Variants in DOCK5 observed in about 807,000 individuals in gnomAD.
DOCK5 encodes dedicator of cytokinesis 5, also known as dedicator of cytokinesis protein 5.
In DOCK5, 142 loss-of-function variants were observed where a neutral mutation model predicts 251.8. The ratio of observed to expected loss-of-function variants is 0.56; its 90% CI spans 0.49 to 0.65. DOCK5 has a LOEUF of 0.65. DOCK5 is among the 30% of genes least tolerant of loss of function. The pLI, the probability that DOCK5 is intolerant of heterozygous loss-of-function variation, is 0.00. For synonymous variants in DOCK5, 842 were observed against 835.5 expected (o/e 1.01, Z -0.13); for missense variants, 2,111 against 2,312.3 (o/e 0.91, Z 1.79).
intron 18 of DOCK5, among the ~76,000 whole-genome samples, chr8:25,328,237 T>G (rs1805607545): frequency 6.6e-6 from 1 of 151,616 alleles, no homozygotes. Context: ...TCATAACACA[T>G]ACAAAAAAAG....
intron 14 of DOCK5, among the ~76,000 whole-genome samples, chr8:25,318,072 T>C (rs1230619033): frequency 6.6e-6 from 1 of 151,790 alleles, no homozygotes; most frequent in African/African-American, 2.4e-5. Flanking sequence ...TCTTTTCTTT[T>C]CTTTTCTTTC....
At chr8:25,250,783 G>T (rs1803247955) in intron 2 of DOCK5, among the ~76,000 whole-genome samples, 1 of 152,210 alleles carries the variant, frequency 6.6e-6, no homozygotes, top group African/African-American at 2.4e-5. Context: ...ATGGGGAGAA[G>T]AGGGTGGTAT....
intron 5 of DOCK5, among the ~76,000 whole-genome samples, chr8:25,288,683 A>G (rs1032542248): frequency 6.6e-5 from 10 of 152,198 alleles, no homozygotes; most frequent in African/African-American, 2.4e-4. Context: ...GAAAGAAAAC[A>G]AGAGTCTCTT....
At chr8:25,379,965 C>G (rs931213310) in intron 38 of DOCK5, among the ~76,000 whole-genome samples, 2 of 152,142 alleles carry the variant, frequency 1.3e-5, no homozygotes, top group Non-Finnish European at 2.9e-5. Flanking sequence ...CTTTCCGAAC[C>G]TGGGCTGGCA....
chr8:25,208,127 A>T (rs1802046523), intron 1 of DOCK5, among the ~76,000 whole-genome samples: 1 of 152,248 alleles, frequency 6.6e-6, no homozygotes, highest in Non-Finnish European at 1.5e-5. Context: ...GAGCCTGAAG[A>T]TGTGAGAATT....
At chr8:25,394,351 C>CT (rs199715686) in intron 44 of DOCK5, among the ~76,000 whole-genome samples, 76 of 145,984 alleles carry the variant, frequency 5.2e-4, no homozygotes, top group East Asian at 9.9e-4. Flanking sequence ...GAAGGAGATA[C>CT]TTTTTTTTTT....
chr8:25,380,297 T>G lies in DOCK5; in HGVS notation c.3937-8T>G. 6.2e-7 allele frequency: 1 copy of G among 1,606,730 alleles called. No homozygotes were observed. The highest frequency in any genetic ancestry group is 8.5e-7 in the Non-Finnish European group (1 of 1,176,322). On this transcript the variant is annotated splice_polypyrimidine_tract_variant and splice_region_variant and intron_variant, in intron 38 of 51. Transcript: ENST00000276440. The stretch of plus-strand genomic sequence containing the variant: ...TCCACTTTTAACCTTACTTTCCTTT[T>G]TCTGAAGATGTGGGAGAAGGCCATC...
chr8:25,351,953 G>A (rs911840786), intron 27 of DOCK5, 127 bp downstream of exon 27: 1 of 664,034 alleles, frequency 1.5e-6, no homozygotes, highest in Non-Finnish European at 2.6e-6. Context: ...ATGGGTCATT[G>A]GTTATAACCT....
intron 13 of DOCK5, among the ~76,000 whole-genome samples, chr8:25,313,279 C>A (rs1241344112): frequency 1.3e-5 from 2 of 152,196 alleles, no homozygotes; most frequent in African/African-American, 4.8e-5. Context: ...GTTCTCACCT[C>A]TGCCAGCCCC....
intron 35 of DOCK5, 142 bp from the exon 36 acceptor site, chr8:25,373,476 T>A: frequency 5.1e-6 from 4 of 784,706 alleles, no homozygotes; most frequent in South Asian, 4.8e-5. Flanking sequence ...CCCCTTTTCT[T>A]ATGGGGATAT....
intron 1 of DOCK5, among the ~76,000 whole-genome samples, chr8:25,234,066 C>T (rs1210177324): frequency 1.3e-5 from 2 of 152,206 alleles, no homozygotes; most frequent in Non-Finnish European, 2.9e-5. Context: ...GGCCCAGGGC[C>T]GGAAGCTGCT....
intron 1 of DOCK5, 145 bp from the exon 2 acceptor site, chr8:25,243,529 C>T (rs1803013035): frequency 1.7e-6 from 1 of 586,822 alleles, no homozygotes; most frequent in African/African-American, 1.9e-5. Flanking sequence ...TGGGGTTTCA[C>T]CATCTTGGCC....
At chr8:25,342,803 A>G (rs1800265667) in intron 25 of DOCK5, among the ~76,000 whole-genome samples, 1 of 144,320 alleles carries the variant, frequency 6.9e-6, no homozygotes, top group Admixed American at 7.1e-5. Context: ...GGTTCAAGCA[A>G]TTCTCCTGCC....
chr8:25,332,002 G>A (rs1051685351), intron 18 of DOCK5, among the ~76,000 whole-genome samples: 1 of 152,102 alleles, frequency 6.6e-6, no homozygotes, highest in African/African-American at 2.4e-5. Flanking sequence ...TTTGAGAAAT[G>A]TTAGTTTCAG....
At chr8:25,286,409 C>T (rs1425039368) in intron 5 of DOCK5, among the ~76,000 whole-genome samples, 1 of 152,120 alleles carries the variant, frequency 6.6e-6, no homozygotes. Flanking sequence ...ATTTTAGTTC[C>T]AGTCTCTTTA....
chr8:25,312,960 T>A (rs573185392), intron 13 of DOCK5, among the ~76,000 whole-genome samples: 1 of 151,938 alleles, frequency 6.6e-6, no homozygotes, highest in Non-Finnish European at 1.5e-5. Flanking sequence ...TCTAGAACAA[T>A]CGTTTCCAGT....
Position 25,194,778 on chromosome 8 carries a change from G to T in DOCK5, c.43+9827G>T, listed in dbSNP as rs540345438. Reference sequence around the variant, plus strand: ...TGCTGTCTGTCCAGTGGCCCAGGCAGAACACTAAGAGTCACCCCACATTCT... The same window carrying T: ...TGCTGTCTGTCCAGTGGCCCAGGCATAACACTAAGAGTCACCCCACATTCT... On this transcript the variant is annotated intron_variant, in intron 1 of 51. Coordinates refer to ENST00000276440, the MANE Select transcript of DOCK5 (RefSeq NM_024940.8). Among the ~76,000 whole-genome samples, 51 of 152,292 alleles carry T rather than the reference G, an allele frequency of 3.3e-4. 1 individual carries two copies. In the South Asian group the frequency reaches 9.9e-3, roughly 30 times the overall value.
chr8:25,356,523 C>T (rs1041661029), intron 27 of DOCK5, among the ~76,000 whole-genome samples: 1 of 151,866 alleles, frequency 6.6e-6, no homozygotes, highest in Non-Finnish European at 1.5e-5. Flanking sequence ...AAAAATTAGC[C>T]AGGCATGGTG....
At chr8:25,393,140 C>T (rs1029955196) in intron 44 of DOCK5, among the ~76,000 whole-genome samples, 9 of 152,172 alleles carry the variant, frequency 5.9e-5, no homozygotes, top group African/African-American at 2.2e-4. Context: ...CTCAGCGATC[C>T]TGCCAGCACC....
Sources: allele counts gnomAD v4.1 joint callset (sites outside exome capture counted in the v4.1 genomes callset), GRCh38; gene constraint gnomAD v4.1.1; transcripts MANE v1.5; gene names NCBI Gene and HGNC (gene_info 2026-07-23, HGNC 2026-07-21).